Variants in MKNK1 observed in about 807,000 individuals in gnomAD.
MKNK1 encodes MAP kinase-interacting serine/threonine-protein kinase 1.
MKNK1 carries 30 observed loss-of-function variants against 49.3 expected under a neutral mutation model. The observed-to-expected ratio is 0.61, with a 90% CI of 0.46 to 0.83. The LOEUF is 0.83. MKNK1 is among the 40% of genes least tolerant of loss of function. The probability of loss-of-function intolerance (pLI) is 0.00; values close to 1 mark genes in which losing one functional copy is unlikely to be tolerated. For synonymous variants in MKNK1, 176 were observed against 201.7 expected (o/e 0.87, Z 1.08); for missense variants, 423 against 524.7 (o/e 0.81, Z 1.89).
chr1:46,577,638 C>A (rs1052939006), intron 4 of MKNK1, among the ~76,000 whole-genome samples: 1 of 152,228 alleles, frequency 6.6e-6, no homozygotes, highest in African/African-American at 2.4e-5. Flanking sequence ...TGCTTAGATG[C>A]TCTAACTTCT....
intron 2 of MKNK1, among the ~76,000 whole-genome samples, chr1:46,592,147 G>A (rs1049768193): frequency 1.3e-5 from 2 of 152,208 alleles, no homozygotes; most frequent in African/African-American, 4.8e-5. Context: ...GACTGAAGCA[G>A]GAGAATCACT....
intron 2 of MKNK1, among the ~76,000 whole-genome samples, 158 bp from the exon 3 acceptor site, chr1:46,583,487 G>A (rs1205614371): frequency 6.6e-6 from 1 of 152,114 alleles, no homozygotes; most frequent in Non-Finnish European, 1.5e-5. Flanking sequence ...TTTGACCTAG[G>A]AGGAAAAACT....
At chr1:46,581,892 AG>A (rs1440167244) in intron 3 of MKNK1, among the ~76,000 whole-genome samples, 1 of 152,076 alleles carries the variant, frequency 6.6e-6, no homozygotes, top group East Asian at 1.9e-4. Flanking sequence ...CCCCTTCCAA[AG>A]GAGGCTACAT....
chr1:46,558,888 G>T, intron 12 of MKNK1, 88 bp from the exon 13 acceptor site: 1 of 1,113,588 alleles, frequency 9.0e-7, no homozygotes, highest in Non-Finnish European at 1.3e-6. Flanking sequence ...TTGCTGCTGT[G>T]GCTCTACGCT....
chr1:46,588,670 G>A (rs1672918429), intron 2 of MKNK1, among the ~76,000 whole-genome samples: 1 of 152,120 alleles, frequency 6.6e-6, no homozygotes, highest in Non-Finnish European at 1.5e-5. Flanking sequence ...AGCCGGGCGA[G>A]GTGGCGGGCG....
intron 1 of MKNK1, among the ~76,000 whole-genome samples, chr1:46,602,708 T>C (rs1359778839): frequency 1.3e-5 from 2 of 152,222 alleles, no homozygotes; most frequent in African/African-American, 2.4e-5. Context: ...TGGCCCAAGA[T>C]GGTTCTTCTT....
intron 7 of MKNK1, among the ~76,000 whole-genome samples, chr1:46,570,451 G>C (rs181511667): frequency 5.1e-4 from 78 of 152,342 alleles, no homozygotes; most frequent in Non-Finnish European, 9.6e-4. Context: ...GTGCAAGTCA[G>C]GGCCCCAACA....
At chr1:46,590,644 G>C (rs1159063668) in intron 2 of MKNK1, among the ~76,000 whole-genome samples, 1 of 152,240 alleles carries the variant, frequency 6.6e-6, no homozygotes, top group Non-Finnish European at 1.5e-5. Context: ...CCTTAATGCT[G>C]AAAGGCAGAA....
intron 1 of MKNK1, among the ~76,000 whole-genome samples, chr1:46,597,619 C>T (rs1427745676): frequency 6.6e-6 from 1 of 152,208 alleles, no homozygotes; most frequent in East Asian, 1.9e-4. Flanking sequence ...AACCAATTCC[C>T]AGCTTCCTAC....
chr1:46,587,181 G>A (rs963750822), intron 2 of MKNK1, among the ~76,000 whole-genome samples: 1 of 152,232 alleles, frequency 6.6e-6, no homozygotes, highest in Non-Finnish European at 1.5e-5. Flanking sequence ...TATTACAGAG[G>A]AAGAAGTGAG....
chr1:46,594,038 T>A, intron 2 of MKNK1, 75 bp downstream of exon 2: 1 of 1,209,048 alleles, frequency 8.3e-7, no homozygotes, highest in Admixed American at 1.9e-5. Flanking sequence ...TTACCCGCCC[T>A]TTCCTCTGGA....
chr1:46,557,708 C>G lies in MKNK1; in HGVS notation c.*867G>C, dbSNP rs559536922. ...ACAGCAGCAGACACCGATGCTGTCT[C>G]TAAGTTCATCACAGGAACAGCTTAA... On this transcript the variant is annotated 3_prime_UTR_variant, in exon 13 of 13. Coordinates refer to ENST00000371945, the MANE Select transcript of MKNK1 (RefSeq NM_001135553.4). 1 of 152,568 alleles carries G rather than the reference C, an allele frequency of 6.6e-6. No homozygotes were observed. Among genetic ancestry groups the G allele is most frequent in the South Asian group, 2.1e-4 (1 of 4,826 alleles). The allele number at this position is 152,568 out of a possible 1,614,324, so 9.5% of individuals were successfully genotyped here. A position where few individuals can be genotyped will look rare whatever the true frequency, so the allele number is the denominator to read the frequency against.
At chr1:46,593,292 G>A (rs1673592935) in intron 2 of MKNK1, among the ~76,000 whole-genome samples, 2 of 152,108 alleles carry the variant, frequency 1.3e-5, no homozygotes, top group South Asian at 2.1e-4. Context: ...TCCGCCTCCC[G>A]GGTTCAAGCA....
intron 8 of MKNK1, among the ~76,000 whole-genome samples, chr1:46,566,442 G>C (rs1669081444): frequency 6.6e-6 from 1 of 152,156 alleles, no homozygotes; most frequent in South Asian, 2.1e-4. Context: ...TGGCTGTTGT[G>C]AACAATGCTG....
At position 46,589,005 on chromosome 1, in the gene MKNK1, CA is replaced by C. The variant is rs1672996628; in HGVS notation, c.-3+5107del. Reference sequence around the variant, plus strand: ...CAGAAGGCCTGGGCTGCCCATGCCACAAGGCTGCTGTGAGGATCAAATAAGA... The same window carrying C: ...CAGAAGGCCTGGGCTGCCCATGCCACAGGCTGCTGTGAGGATCAAATAAGA... On this transcript the variant is annotated intron_variant, in intron 2 of 12. Coordinates refer to ENST00000371945, the MANE Select transcript of MKNK1 (RefSeq NM_001135553.4). The surrounding 1 kb of genome is among the most constrained non-coding windows in gnomAD (Gnocchi z 4.3). Among the ~76,000 whole-genome samples, 1 of 152,180 alleles carries C rather than the reference CA, an allele frequency of 6.6e-6. No homozygotes were observed. Among genetic ancestry groups the C allele is most frequent in the Admixed American group, 6.5e-5 (1 of 15,274 alleles).
intron 1 of MKNK1, 73 bp from the exon 2 acceptor site, chr1:46,594,353 A>C (rs116067263): frequency 4.2e-4 from 266 of 625,910 alleles, no homozygotes; most frequent in African/African-American, 4.0e-3. Context: ...AGAAAGATCA[A>C]TCTGAACGTG....
In MKNK1 at chr1:46,559,910, A is replaced by G. The variant is rs1557818516; in HGVS notation, c.1013+324T>C. 3 of 438,276 alleles carry G rather than the reference A, an allele frequency of 6.8e-6. No homozygotes were observed. In the South Asian group the frequency reaches 8.1e-5, roughly 12 times the overall value. The allele number at this position is 438,276 out of a possible 1,614,324, so 27.1% of individuals were successfully genotyped here. On this transcript the variant is annotated intron_variant, in intron 12 of 12. Coordinates refer to ENST00000371945, the MANE Select transcript of MKNK1 (RefSeq NM_001135553.4). ...TTTCATTAAATACAAGGGCAGAGGG[A>G]AGCCTTGTGTGAATAACCCATGGGT...
intron 3 of MKNK1, among the ~76,000 whole-genome samples, chr1:46,581,759 T>C (rs1246450661): frequency 6.6e-6 from 1 of 152,140 alleles, no homozygotes; most frequent in African/African-American, 2.4e-5. Flanking sequence ...AGAAGTAGGA[T>C]GCAAAGGACA....
chr1:46,592,231 C>T (rs1673438826), intron 2 of MKNK1, among the ~76,000 whole-genome samples: 1 of 152,130 alleles, frequency 6.6e-6, no homozygotes, highest in Non-Finnish European at 1.5e-5. Flanking sequence ...CAAAGTGAGA[C>T]TCTATCTCAA....
Sources: allele counts gnomAD v4.1 joint callset (sites outside exome capture counted in the v4.1 genomes callset), GRCh38; gene constraint gnomAD v4.1.1; non-coding constraint Gnocchi (gnomAD v3.1); transcripts MANE v1.5; gene names NCBI Gene and HGNC (gene_info 2026-07-23, HGNC 2026-07-21).